Variants in TAFA5 observed in about 807,000 individuals in gnomAD.
The protein encoded by TAFA5 is chemokine-like protein TAFA-5.
TAFA5 carries 6 observed loss-of-function variants against 15.3 expected under a neutral mutation model. The ratio of observed to expected loss-of-function variants is 0.39; its 90% confidence interval spans 0.21 to 0.77. The LOEUF is 0.77. Ranked by LOEUF, TAFA5 falls within the 30% of genes least tolerant of loss-of-function variation. TAFA5 has a pLI of 0.41. For missense variants in TAFA5, 161 were observed against 193.1 expected, an observed-to-expected ratio of 0.83 and a Z score of 0.98; for synonymous variants, 103 against 80.7, an observed-to-expected ratio of 1.28 and a Z score of -1.48.
At chr22:48,702,836 C>T (rs1384537881) in intron 2 of TAFA5, among the ~76,000 whole-genome samples, 4 of 152,224 alleles carry the variant, frequency 2.6e-5, no homozygotes, top group African/African-American at 9.6e-5. Flanking sequence ...GGCGCTGTGC[C>T]TCTGACCGTC....
Position 48,560,639 on chromosome 22 carries a change from C to T in TAFA5, c.112+70935C>T, listed in dbSNP as rs1162677327. Reference sequence around the variant, plus strand: ...TTTATTTATTTTTGAGATGGAGTTTCGCTCTTGTTGCCCAGGCGGGAGTGC... The same window carrying T: ...TTTATTTATTTTTGAGATGGAGTTTTGCTCTTGTTGCCCAGGCGGGAGTGC... On this transcript the variant is annotated intron_variant, in intron 1 of 3. Coordinates refer to ENST00000402357, the MANE Select transcript of TAFA5 (RefSeq NM_001082967.3). The surrounding 1 kb of genome is among the most constrained non-coding windows in gnomAD (Gnocchi z 4.2). Among the ~76,000 whole-genome samples the T allele has an allele frequency of 2.0e-5, 3 of 151,230 alleles. No individual in the cohort carries two copies. The highest frequency in any genetic ancestry group is 1.9e-4 in the East Asian group (1 of 5,146).
intron 1 of TAFA5, among the ~76,000 whole-genome samples, chr22:48,513,992 C>T (rs1282684080): frequency 1.3e-5 from 2 of 152,068 alleles, no homozygotes; most frequent in African/African-American, 4.8e-5. Context: ...CCTTTCCTGT[C>T]ACTTCCCTCT....
At chr22:48,569,686 G>A (rs1024283760) in intron 1 of TAFA5, among the ~76,000 whole-genome samples, 6 of 152,206 alleles carry the variant, frequency 3.9e-5, no homozygotes, top group Admixed American at 6.5e-5. Flanking sequence ...GGCCGGGCTC[G>A]TCAAGTGGTC....
intron 2 of TAFA5, among the ~76,000 whole-genome samples, chr22:48,649,987 G>A (rs1181553877): frequency 1.3e-5 from 2 of 152,308 alleles, no homozygotes; most frequent in South Asian, 2.1e-4. Context: ...AAACCGTACT[G>A]TTTTCAAGGG....
intron 2 of TAFA5, among the ~76,000 whole-genome samples, chr22:48,684,312 A>G (rs929633107): frequency 1.3e-5 from 2 of 152,016 alleles, no homozygotes; most frequent in African/African-American, 4.8e-5. Flanking sequence ...CACTGTGTTG[A>G]GAGGCACTTG....
intron 1 of TAFA5, among the ~76,000 whole-genome samples, chr22:48,531,443 G>A (rs529823599): frequency 6.6e-5 from 10 of 152,276 alleles, no homozygotes; most frequent in Admixed American, 1.3e-4. Flanking sequence ...CCTGACACCC[G>A]CCCCGGTGCC....
In TAFA5 at chr22:48,610,872, C is replaced by T. The variant is rs573318109; in HGVS notation, c.113-35725C>T. Among the ~76,000 whole-genome samples the T allele has an allele frequency of 5.9e-5, 9 of 152,144 alleles. No homozygotes were observed. The South Asian group carries it at 8.3e-4, about 14-fold the overall frequency. On this transcript the variant is annotated intron_variant, in intron 1 of 3. Coordinates refer to ENST00000402357, the MANE Select transcript of TAFA5 (RefSeq NM_001082967.3). Reference sequence around the variant, plus strand: ...GACTGTGGTGGGACACGAGAGGCATCGGGGATTTGACTTGTGTCCCTCCCA... The same window carrying T: ...GACTGTGGTGGGACACGAGAGGCATTGGGGATTTGACTTGTGTCCCTCCCA...
At chr22:48,687,663 TG>T (rs1928406016) in intron 2 of TAFA5, among the ~76,000 whole-genome samples, 1 of 152,092 alleles carries the variant, frequency 6.6e-6, no homozygotes, top group Non-Finnish European at 1.5e-5. Context: ...GGACCATCCC[TG>T]GGAACTCTCC....
At chr22:48,592,630 C>T (rs747773558) in intron 1 of TAFA5, among the ~76,000 whole-genome samples, 12 of 152,242 alleles carry the variant, frequency 7.9e-5, no homozygotes, top group East Asian at 1.9e-4. Context: ...CCTGTCTGGC[C>T]GGTATCTGCT....
intron 1 of TAFA5, among the ~76,000 whole-genome samples, chr22:48,619,286 C>T (rs2147180158): frequency 6.6e-6 from 1 of 152,218 alleles, no homozygotes; most frequent in Middle Eastern, 3.4e-3. Context: ...GGAGCCTGAA[C>T]CCCAGACTCT....
rs944185438 is a variant in TAFA5, at chr22:48,745,981, C to T, written c.391-3858C>T. 2.6e-5 allele frequency among the ~76,000 whole-genome samples: 4 copies of T among 152,262 alleles called. No homozygotes were observed. In the East Asian group the frequency reaches 5.8e-4, roughly 22 times the overall value. ...TGAGACCCGCAGGGGCACACTGTCC[C>T]GGGGAGAGAGGTGTGTGAGCTGCAC... On this transcript the variant is annotated intron_variant, in intron 3 of 3. Coordinates refer to ENST00000402357, the MANE Select transcript of TAFA5 (RefSeq NM_001082967.3).
intron 2 of TAFA5, among the ~76,000 whole-genome samples, chr22:48,692,958 T>C (rs1928589083): frequency 6.6e-6 from 1 of 152,184 alleles, no homozygotes; most frequent in Admixed American, 6.5e-5. Flanking sequence ...GGCGGCGCCT[T>C]GGGCCCCGTC....
Position 48,646,711 on chromosome 22 carries a change from C to A in TAFA5, c.227C>A (p.Ala76Asp). The A allele has an allele frequency of 6.3e-7, 1 of 1,599,722 alleles. No individual in the cohort carries two copies. Among genetic ancestry groups the A allele is most frequent in the Non-Finnish European group, 8.5e-7 (1 of 1,175,818 alleles). ...ARCACRKGQI[A>D]GTTRARPACV... ...TGTGCGTGTAGAAAGGGGCAGATCG[C>A]CGGCACCACGAGAGCCCGGCCCGCC... Residue 76 changes from alanine (A) to aspartate (D), a missense_variant, in exon 2 of 4, where the codon GCC becomes GAC. By Grantham distance (126) the Ala-to-Asp change is moderately radical (BLOSUM62 -2). Transcript: ENST00000402357.
At chr22:48,535,833 C>A (rs913457600) in intron 1 of TAFA5, among the ~76,000 whole-genome samples, 1 of 151,976 alleles carries the variant, frequency 6.6e-6, no homozygotes, top group Non-Finnish European at 1.5e-5. Flanking sequence ...TGCAAGCATG[C>A]TGCACACACA....
At chr22:48,575,954 G>T (rs1468136438) in intron 1 of TAFA5, among the ~76,000 whole-genome samples, 14 of 143,774 alleles carry the variant, frequency 9.7e-5, no homozygotes, top group Admixed American at 9.6e-4. Flanking sequence ...CGGCGGCGGC[G>T]GAGGAAGAGG....
At chr22:48,700,916 C>T (rs1283356571) in intron 2 of TAFA5, among the ~76,000 whole-genome samples, 2 of 152,218 alleles carry the variant, frequency 1.3e-5, no homozygotes, top group Non-Finnish European at 2.9e-5. Context: ...ACAGCTCCTC[C>T]CATGCCATCT....
intron 1 of TAFA5, among the ~76,000 whole-genome samples, chr22:48,632,188 C>A (rs1033593545): frequency 2.0e-5 from 3 of 152,202 alleles, no homozygotes; most frequent in Non-Finnish European, 4.4e-5. Flanking sequence ...AGCTTCCCGG[C>A]CACCGTCCTC....
chr22:48,653,050 C>T (rs896668473), intron 2 of TAFA5, among the ~76,000 whole-genome samples: 4 of 152,200 alleles, frequency 2.6e-5, no homozygotes, highest in African/African-American at 4.8e-5. Context: ...CTGCATCACG[C>T]GACCGTGGTG....
intron 1 of TAFA5, among the ~76,000 whole-genome samples, chr22:48,586,346 A>G (rs561336367): frequency 1.1e-4 from 16 of 152,240 alleles, no homozygotes; most frequent in Non-Finnish European, 2.1e-4. Flanking sequence ...CCCAAGGGTC[A>G]CACCCACCTA....
Sources: allele counts gnomAD v4.1 joint callset (sites outside exome capture counted in the v4.1 genomes callset), GRCh38; gene constraint gnomAD v4.1.1; non-coding constraint Gnocchi (gnomAD v3.1); transcripts MANE v1.5; gene names NCBI Gene and HGNC (gene_info 2026-07-23, HGNC 2026-07-21).